Variants in ZNF678 observed in about 807,000 individuals in gnomAD.
ZNF678 encodes zinc finger protein 678, also known as hypothetical protein MGC42493.
ZNF678 carries 5 observed loss-of-function variants against 3.0 expected under a neutral mutation model. That is an observed-to-expected ratio of 1.69 (90% CI 0.88 to 3.56). ZNF678 has a LOEUF of 3.56. ZNF678 is among the 30% of genes most tolerant of loss of function. The pLI is 0.00. For missense variants in ZNF678, 593 were observed against 605.0 expected (o/e 0.98, Z 0.21); for synonymous variants, 218 against 199.6 (o/e 1.09, Z -0.78).
intron 5 of ZNF678, among the ~76,000 whole-genome samples, chr1:227,668,175 T>C (rs558128970): frequency 7.0e-6 from 1 of 143,008 alleles, no homozygotes; most frequent in Admixed American, 6.9e-5. Flanking sequence ...TCCCTGAAGT[T>C]TTGGGACAAT....
At chr1:227,596,158 G>A (rs1243708201) in intron 1 of ZNF678, among the ~76,000 whole-genome samples, 1 of 152,206 alleles carries the variant, frequency 6.6e-6, no homozygotes, top group African/African-American at 2.4e-5. Flanking sequence ...TGCGTTGCTT[G>A]GGCTGGTTGG....
chr1:227,633,277 G>A (rs754470527), intron 1 of ZNF678, among the ~76,000 whole-genome samples: 4 of 152,188 alleles, frequency 2.6e-5, no homozygotes, highest in South Asian at 4.1e-4. Flanking sequence ...CCCATACAAC[G>A]GGAGAAGACC....
intron 1 of ZNF678, among the ~76,000 whole-genome samples, chr1:227,630,082 A>G (rs1658513720): frequency 6.6e-6 from 1 of 152,040 alleles, no homozygotes; most frequent in East Asian, 1.9e-4. Flanking sequence ...GTTTTTTTCT[A>G]ATGTCTGCAG....
intron 1 of ZNF678, among the ~76,000 whole-genome samples, chr1:227,566,691 A>G (rs1656695537): frequency 1.3e-5 from 2 of 152,368 alleles, no homozygotes; most frequent in South Asian, 4.1e-4. Context: ...TTTATTAAGT[A>G]TATATTACAC....
intron 1 of ZNF678, among the ~76,000 whole-genome samples, chr1:227,625,435 C>T (rs1335060614): frequency 6.6e-6 from 1 of 152,150 alleles, no homozygotes; most frequent in Non-Finnish European, 1.5e-5. Flanking sequence ...CATGGGCTAG[C>T]AGGCCGGTCC....
At position 227,670,093 on chromosome 1, in the gene ZNF678, G is replaced by C. The variant is rs549867848; in HGVS notation, c.227-7086G>C. 4.5e-4 allele frequency among the ~76,000 whole-genome samples: 68 copies of C among 152,256 alleles called. 1 individual carries two copies. The South Asian group carries it at 0.013, about 29-fold the overall frequency. On this transcript the variant is annotated intron_variant, in intron 5 of 5. Coordinates refer to the ZNF678 transcript ENST00000608949. ...CATAATCTAAAGCAGATTAACTCTGGAACAGAAAACCAAATACCACGTGTT... is the reference window on the plus strand; with the variant it reads ...CATAATCTAAAGCAGATTAACTCTGCAACAGAAAACCAAATACCACGTGTT...
At chr1:227,601,073 A>G (rs1398751071) in intron 1 of ZNF678, among the ~76,000 whole-genome samples, 1 of 152,024 alleles carries the variant, frequency 6.6e-6, no homozygotes, top group Non-Finnish European at 1.5e-5. Flanking sequence ...CAAAGATCAG[A>G]TGGTTGTGGG....
rs561792668 is a variant in ZNF678, at chr1:227,614,589, AC to A, written c.-163-31953del. Among the ~76,000 whole-genome samples the A allele has an allele frequency of 7.2e-5, 11 of 152,088 alleles. No individual in the cohort carries two copies. In the East Asian group the frequency reaches 1.4e-3, roughly 19 times the overall value. On this transcript the variant is annotated intron_variant, in intron 1 of 3. Coordinates refer to ENST00000343776, the MANE Select transcript of ZNF678 (RefSeq NM_001367909.1). ...GATCGGCTTCCATAAATACCTTCTC[AC>A]CTTTTTTCTTAGCTTTTGTTCAGAC...
intron 1 of ZNF678, among the ~76,000 whole-genome samples, chr1:227,626,377 A>T (rs1658416156): frequency 6.6e-6 from 1 of 152,170 alleles, no homozygotes; most frequent in Non-Finnish European, 1.5e-5. Flanking sequence ...AGATAAAATG[A>T]CTGAGTAGGG....
At chr1:227,618,847 C>T (rs923446785) in intron 1 of ZNF678, among the ~76,000 whole-genome samples, 3 of 152,070 alleles carry the variant, frequency 2.0e-5, no homozygotes, top group Non-Finnish European at 2.9e-5. Flanking sequence ...TGTTCTCACA[C>T]TGCTATAAAG....
intron 1 of ZNF678, among the ~76,000 whole-genome samples, chr1:227,572,158 T>G (rs575635182): frequency 6.6e-5 from 10 of 152,382 alleles, no homozygotes; most frequent in African/African-American, 2.2e-4. Flanking sequence ...GTCCAAAACC[T>G]TACGTTTTTA....
intron 1 of ZNF678, among the ~76,000 whole-genome samples, chr1:227,591,345 C>A (rs1260925811): frequency 6.6e-6 from 1 of 152,154 alleles, no homozygotes; most frequent in African/African-American, 2.4e-5. Context: ...TTTTCCCTTG[C>A]TGAAGGTAGA....
At chr1:227,663,190 A>G (rs1389262059), downstream of ZNF678, among the ~76,000 whole-genome samples, 1 of 152,212 alleles carries the variant, frequency 6.6e-6, no homozygotes, top group Non-Finnish European at 1.5e-5. Context: ...AAATTGTGAG[A>G]AAAAATATCT....
intron 2 of ZNF678, among the ~76,000 whole-genome samples, chr1:227,647,816 A>G (rs1465868594): frequency 6.6e-6 from 1 of 152,224 alleles, no homozygotes; most frequent in East Asian, 1.9e-4. Flanking sequence ...GGAACATAGG[A>G]ATATCTACAT....
At chr1:227,668,455 A>G (rs970066688) in intron 5 of ZNF678, among the ~76,000 whole-genome samples, 3 of 152,230 alleles carry the variant, frequency 2.0e-5, no homozygotes, top group African/African-American at 7.2e-5. Context: ...GTCCACACAC[A>G]TATATGGTCC....
chr1:227,571,198 A>G (rs1267639829), intron 1 of ZNF678, among the ~76,000 whole-genome samples: 1 of 152,190 alleles, frequency 6.6e-6, no homozygotes, highest in Non-Finnish European at 1.5e-5. Flanking sequence ...AATTTTATTA[A>G]TTATTGTAGC....
chr1:227,577,050 G>T (rs1657003990), intron 1 of ZNF678, among the ~76,000 whole-genome samples: 1 of 152,108 alleles, frequency 6.6e-6, no homozygotes, highest in African/African-American at 2.4e-5. Context: ...GTTTTGAATG[G>T]TTTTGAGTGA....
At chr1:227,612,788 A>C (rs1481837767) in intron 1 of ZNF678, among the ~76,000 whole-genome samples, 1 of 152,148 alleles carries the variant, frequency 6.6e-6, no homozygotes, top group East Asian at 1.9e-4. Context: ...CAGAAAGTTC[A>C]TTTTATTGCC....
chr1:227,604,226 C>A (rs1329821642), intron 1 of ZNF678, among the ~76,000 whole-genome samples: 2 of 152,178 alleles, frequency 1.3e-5, no homozygotes, highest in Non-Finnish European at 2.9e-5. Flanking sequence ...TATGGTAATT[C>A]CATGTTAAAC....
Sources: gnomAD v4.1 joint callset for allele counts (sites outside exome capture counted in the v4.1 genomes callset) on GRCh38, gnomAD v4.1.1 for gene constraint, MANE v1.5 for transcripts, NCBI Gene and HGNC (gene_info 2026-07-23, HGNC 2026-07-21) for gene names.